The following BCL11A variants were observed in gnomAD, a reference collection of about 807,000 sequenced individuals.
BCL11A encodes B cell CLL/lymphoma 11A.
Under a neutral mutation model 55.9 loss-of-function variants are expected in BCL11A, and 2 were observed. The observed-to-expected ratio is 0.04, with a 90% CI of 0.01 to 0.11. BCL11A has a LOEUF of 0.11. Among genes scored for constraint, BCL11A ranks in the 10% least tolerant of loss-of-function variants. BCL11A has a pLI of 1.00. For missense variants in BCL11A, 817 were observed against 1,137.1 expected, an observed-to-expected ratio of 0.72 and a Z score of 4.05; for synonymous variants, 465 against 473.4, an observed-to-expected ratio of 0.98 and a Z score of 0.23.
chr2:60,507,367 G>A (rs1265188239), intron 2 of BCL11A, among the ~76,000 whole-genome samples: 1 of 76,540 alleles, frequency 1.3e-5, no homozygotes, highest in East Asian at 3.2e-4. Flanking sequence ...GGGAAGGGAA[G>A]GGAAGGGAAG....
chr2:60,547,453 C>T (rs1211832240), intron 1 of BCL11A, among the ~76,000 whole-genome samples: 8 of 150,192 alleles, frequency 5.3e-5, no homozygotes, highest in African/African-American at 2.0e-4. Flanking sequence ...TTTTAAGCTT[C>T]CAAAGGGGAA....
Position 60,457,243 on chromosome 2 carries a change from T to C in BCL11A, c.*3161A>G, listed in dbSNP as rs1477637884. The C allele has an allele frequency of 9.9e-7, 1 of 1,013,022 alleles. No individual in the cohort carries two copies. Among genetic ancestry groups the C allele is most frequent in the Non-Finnish European group, 1.2e-6 (1 of 845,624 alleles). 62.8% of individuals were successfully genotyped at this position (1,013,022 alleles called of 1,614,324 possible). ...TCAATAAAGGGACAAAATGGGTGTA[T>C]GAACAGGTTAATGCAGACAACTGCC... On this transcript the variant is annotated 3_prime_UTR_variant, in exon 4 of 4. Coordinates refer to ENST00000642384, the MANE Select transcript of BCL11A (RefSeq NM_022893.4).
In BCL11A at chr2:60,462,093, G is replaced by A. The variant is rs1676344302; in HGVS notation, c.819C>T (p.His273=). The change falls in exon 4 of 4, where the codon CAC becomes CAT. Residue 273 remains histidine, a synonymous_variant. Coordinates refer to ENST00000642384, the MANE Select transcript of BCL11A (RefSeq NM_022893.4). Reference sequence around the variant, plus strand: ...GGCGCTCTATGCGGTGGGGGTCCAAGTGATGTCTCGGTGGTGGACTAAACA... The same window carrying A: ...GGCGCTCTATGCGGTGGGGGTCCAAATGATGTCTCGGTGGTGGACTAAACA... The part of the protein sequence containing the change: ...PPLFSPPPRH[H]LDPHRIERLG... The A allele has an allele frequency of 1.3e-6, 2 of 1,563,478 alleles. No homozygotes were observed. The highest frequency in any genetic ancestry group is 2.7e-5 in the African/African-American group (2 of 73,330).
chr2:60,529,344 CT>C (rs1669346841), intron 2 of BCL11A, among the ~76,000 whole-genome samples: 1 of 152,138 alleles, frequency 6.6e-6, no homozygotes. Context: ...CCCCGTGATT[CT>C]CCCCACTTTA....
Position 60,461,273 on chromosome 2 carries a change from T to G in BCL11A, c.1639A>C (p.Met547Leu). ...GDESRALPDVMQGMVLSSMQH... is the reference protein window; with the variant it reads ...GDESRALPDVLQGMVLSSMQH... ...ATGGAGCTGAGCACCATGCCCTGCA[T>G]GACGTCGGGCAGGGCGCGGCTCTCG... Residue 547 changes from methionine (M) to leucine (L), a missense_variant, in exon 4 of 4, where the codon ATG (methionine) becomes CTG (leucine). By Grantham distance (15) the Met-to-Leu change is conservative. Transcript: ENST00000642384. 1 of 1,606,524 alleles carries G rather than the reference T, an allele frequency of 6.2e-7. No individual in the cohort carries two copies. The highest frequency in any genetic ancestry group is 8.5e-7 in the Non-Finnish European group (1 of 1,179,536).
At chr2:60,512,081 C>G (rs1445219525) in intron 2 of BCL11A, among the ~76,000 whole-genome samples, 2 of 152,216 alleles carry the variant, frequency 1.3e-5, no homozygotes, top group Non-Finnish European at 2.9e-5. Flanking sequence ...GTGCAGCCAC[C>G]TGGGCTTGCA....
At position 60,461,460 on chromosome 2, in the gene BCL11A, G is replaced by C; in HGVS notation, c.1452C>G (p.Asp484Glu). ...CCTCGTCGTCCTCCTCTTCCTCCTC[G>C]TCCCCGTTCTCCGGGATCAGGTTGG... is the stretch of plus-strand genomic sequence containing the variant. ...NDPNLIPENG[D>E]EEEEEDDEEE... The change falls in exon 4 of 4, where the codon GAC becomes GAG. Residue 484 changes from aspartate to glutamate, a missense_variant. By Grantham distance (45) the Asp-to-Glu change is conservative. This residue lies in a region of BCL11A where 379 missense variants were observed against 425.3 expected (regional missense o/e 0.89). Coordinates refer to ENST00000642384, the MANE Select transcript of BCL11A (RefSeq NM_022893.4). 1 of 1,604,012 alleles carries C rather than the reference G, an allele frequency of 6.2e-7. No individual in the cohort carries two copies. Among genetic ancestry groups the C allele is most frequent in the Non-Finnish European group, 8.5e-7 (1 of 1,179,392 alleles).
intron 2 of BCL11A, among the ~76,000 whole-genome samples, chr2:60,518,781 T>A (rs1378197221): frequency 6.6e-6 from 1 of 152,202 alleles, no homozygotes; most frequent in African/African-American, 2.4e-5. Context: ...GCGTGGATTT[T>A]AAGGACTCAT....
intron 2 of BCL11A, among the ~76,000 whole-genome samples, chr2:60,488,236 G>A (rs1345590000): frequency 6.6e-6 from 1 of 152,210 alleles, no homozygotes; most frequent in Non-Finnish European, 1.5e-5. Context: ...AGATACCTGA[G>A]TCATGATTTT....
intron 1 of BCL11A, among the ~76,000 whole-genome samples, chr2:60,551,650 ACCCAG>A (rs2104791078): frequency 6.6e-6 from 1 of 152,196 alleles, no homozygotes; most frequent in South Asian, 2.1e-4. Context: ...GCCGAGTTTC[ACCCAG>A]CCGATTTCGC....
Position 60,468,769 on chromosome 2 carries a change from C to G in BCL11A, c.450G>C (p.Thr150=), listed in dbSNP as rs368977479. The G allele has an allele frequency of 1.9e-6, 3 of 1,610,688 alleles. No individual in the cohort carries two copies. In the East Asian group the frequency reaches 6.7e-5, roughly 36 times the overall value. Residue 150 remains threonine (T), a synonymous_variant, in exon 3 of 4, where the codon ACG becomes ACC. Coordinates refer to ENST00000642384, the MANE Select transcript of BCL11A (RefSeq NM_022893.4). ...PRSAHGALIP[T]PGMSAEYAPQ... ...GGGCATATTCTGCACTCATCCCAGG[C>G]GTGGGGATTAGAGCTCCATGTGCAG...
chr2:60,469,226 T>C (rs543842319), intron 2 of BCL11A, among the ~76,000 whole-genome samples: 1 of 152,340 alleles, frequency 6.6e-6, no homozygotes, highest in African/African-American at 2.4e-5. Flanking sequence ...CTGGTTTACA[T>C]GCATACATTA....
chr2:60,532,574 A>T (rs1037380386), intron 2 of BCL11A, among the ~76,000 whole-genome samples: 5 of 152,146 alleles, frequency 3.3e-5, no homozygotes, highest in African/African-American at 1.2e-4. Context: ...CGAAAAAGAA[A>T]AAAAAGGAAA....
At chr2:60,470,341 T>C (rs2104002795) in intron 2 of BCL11A, among the ~76,000 whole-genome samples, 1 of 152,312 alleles carries the variant, frequency 6.6e-6, no homozygotes, top group East Asian at 1.9e-4. Context: ...GTCAAGTGAA[T>C]TGAGAGTGTG....
intron 1 of BCL11A, among the ~76,000 whole-genome samples, chr2:60,551,781 G>A (rs1670423265): frequency 6.6e-6 from 1 of 150,760 alleles, no homozygotes; most frequent in Admixed American, 6.6e-5. Context: ...GGTGGGCGCC[G>A]GGCGCCGGGT....
At chr2:60,535,140 T>C (rs1461374233) in intron 2 of BCL11A, 1 of 152,242 alleles carries the variant, frequency 6.6e-6, no homozygotes, top group Non-Finnish European at 1.5e-5. Context: ...GGTAATGAAC[T>C]GAAGTCTGCC....
chr2:60,531,700 G>T (rs1669464544), intron 2 of BCL11A, among the ~76,000 whole-genome samples: 2 of 152,142 alleles, frequency 1.3e-5, no homozygotes, highest in African/African-American at 4.8e-5. Context: ...GGGGGGCCCT[G>T]TGCAGACACC....
chr2:60,538,576 C>A (rs536909781), intron 2 of BCL11A: 2 of 152,244 alleles, frequency 1.3e-5, no homozygotes, highest in East Asian at 3.9e-4. Flanking sequence ...TTATAAAAAT[C>A]TTCTTTAAAA....
In BCL11A at chr2:60,459,508, G is replaced by C; in HGVS notation, c.*896C>G. On this transcript the variant is annotated 3_prime_UTR_variant, in exon 4 of 4. Coordinates refer to ENST00000642384, the MANE Select transcript of BCL11A (RefSeq NM_022893.4). ...AAAATTAAACTAAAGGAAAAATGATGATTAACTAGGACATAATGGGTCATC... is the reference window on the plus strand; with the variant it reads ...AAAATTAAACTAAAGGAAAAATGATCATTAACTAGGACATAATGGGTCATC... 9.8e-7 allele frequency: 1 copy of C among 1,022,314 alleles called. No homozygotes were observed. The allele number at this position is 1,022,314 out of a possible 1,614,324, so 63.3% of individuals were successfully genotyped here.
Sources: gnomAD v4.1 joint callset for allele counts (sites outside exome capture counted in the v4.1 genomes callset) on GRCh38, gnomAD v4.1.1 for gene constraint, gnomAD v4.1.1 regional missense constraint, MANE v1.5 for transcripts, NCBI Gene and HGNC (gene_info 2026-07-23, HGNC 2026-07-21) for gene names.